Variants in LRP2BP observed in about 807,000 individuals in gnomAD.
LRP2BP encodes LRP2-binding protein.
In LRP2BP, 38 loss-of-function variants were observed where a neutral mutation model predicts 45.2. That is an observed-to-expected ratio of 0.84 (90% CI 0.65 to 1.10). The LOEUF is 1.10. Among genes scored for constraint, LRP2BP ranks in the 50% least tolerant of loss-of-function variants. LRP2BP has a pLI of 0.00. For synonymous variants in LRP2BP, 153 were observed against 153.9 expected (o/e 0.99, Z 0.04); for missense variants, 385 against 418.9 (o/e 0.92, Z 0.71).
rs1229047421 is a variant in LRP2BP, at chr4:185,364,661, C to T, written c.*2519G>A. 6.6e-6 allele frequency: 1 copy of T among 151,944 alleles called. No homozygotes were observed. The highest frequency in any genetic ancestry group is 1.5e-5 in the Non-Finnish European group (1 of 67,982). The allele number at this position is 151,944 out of a possible 1,614,324, so 9.4% of individuals were successfully genotyped here. A position where few individuals can be genotyped will look rare whatever the true frequency, so the allele number is the denominator to read the frequency against. ...ATCCTTAAGATTTTTTTAGTTATAG[C>T]TTTTTTATCCTTTTTTCAAACCATG... On this transcript the variant is annotated 3_prime_UTR_variant, in exon 9 of 9. Coordinates refer to ENST00000505916, the MANE Select transcript of LRP2BP (RefSeq NM_001377440.1).
At chr4:185,393,846 G>T (rs1008763649) in intron 1 of LRP2BP, among the ~76,000 whole-genome samples, 1 of 152,098 alleles carries the variant, frequency 6.6e-6, no homozygotes, top group Non-Finnish European at 1.5e-5. Context: ...GTAATTACTT[G>T]AATAAGAAGT....
Position 185,394,572 on chromosome 4 carries a change from T to C in LRP2BP, c.-22+207A>G, listed in dbSNP as rs1212515731. On this transcript the variant is annotated intron_variant, in intron 1 of 8. Coordinates refer to ENST00000505916, the MANE Select transcript of LRP2BP (RefSeq NM_001377440.1). Reference sequence around the variant, plus strand: ...AACTGGAATAGACGTTAGTGGTTAATACTTTCTCATTTGTCGGCCTTTCTC... The same window carrying C: ...AACTGGAATAGACGTTAGTGGTTAACACTTTCTCATTTGTCGGCCTTTCTC... 6.6e-5 allele frequency among the ~76,000 whole-genome samples: 10 copies of C among 152,368 alleles called. No homozygotes were observed. In the East Asian group the frequency reaches 1.7e-3, roughly 26 times the overall value.
intron 6 of LRP2BP, among the ~76,000 whole-genome samples, chr4:185,373,907 CTATAG>C (rs1186307777): frequency 6.6e-6 from 1 of 152,020 alleles, no homozygotes; most frequent in Non-Finnish European, 1.5e-5. Context: ...AGCTTTGATA[CTATAG>C]TATACAAAAT....
chr4:185,395,670 A>G lies in LRP2BP; in HGVS notation c.-913T>C, dbSNP rs139853810. On this transcript the variant is annotated 5_prime_UTR_variant, in exon 1 of 9. Coordinates refer to ENST00000505916, the MANE Select transcript of LRP2BP (RefSeq NM_001377440.1). The stretch of plus-strand genomic sequence containing the variant: ...AAAACTACCCCTTGGGTAACTAAGT[A>G]TAACAACATAAACTTGCGATTGCAA... 2.0e-6 allele frequency: 2 copies of G among 984,944 alleles called. No individual in the cohort carries two copies. Among genetic ancestry groups the G allele is most frequent in the Non-Finnish European group, 2.4e-6 (2 of 829,446 alleles). The allele number at this position is 984,944 out of a possible 1,614,324, so 61.0% of individuals were successfully genotyped here.
At chr4:185,377,212 T>C (rs2095441050) in intron 2 of LRP2BP, 194 bp from the exon 3 acceptor site, 1 of 555,922 alleles carries the variant, frequency 1.8e-6, no homozygotes. Context: ...CCTAACACTG[T>C]GCCTTGTGTA....
At position 185,392,655 on chromosome 4, in the gene LRP2BP, TTC is replaced by T. The variant is rs200282519; in HGVS notation, c.-22+2122_-22+2123del. 9.4e-3 allele frequency among the ~76,000 whole-genome samples: 1,424 copies of T among 152,256 alleles called. 20 individuals are homozygous for T. The highest frequency in any genetic ancestry group is 0.032 in the African/African-American group (1,330 of 41,552). ...GGAAATTCCAGATCTGGTTATAACCTTCTGTCTTTGAAAAGTTGTCATATTTG... is the reference window on the plus strand; with the variant it reads ...GGAAATTCCAGATCTGGTTATAACCTTGTCTTTGAAAAGTTGTCATATTTG... On this transcript the variant is annotated intron_variant, in intron 1 of 8. Coordinates refer to ENST00000505916, the MANE Select transcript of LRP2BP (RefSeq NM_001377440.1).
Position 185,376,972 on chromosome 4 carries a change from CT to C in LRP2BP, c.152del (p.Lys51ArgfsTer5), listed in dbSNP as rs778907244. On this transcript the variant is annotated frameshift_variant, in exon 3 of 9. Transcript: ENST00000505916. LOFTEE classifies it high-confidence loss of function. ...NLVDKALQLL[K>X]ERILKGDTLA... Reference sequence around the variant, plus strand: ...GAGTGTCTCCTTTCAGTATTCTTTCCTTCAAGAGCTGCAATGCCTTATCCAC... The same window carrying C: ...GAGTGTCTCCTTTCAGTATTCTTTCCTCAAGAGCTGCAATGCCTTATCCAC... The C allele has an allele frequency of 1.2e-6, 2 of 1,614,060 alleles. No homozygotes were observed. Among genetic ancestry groups the C allele is most frequent in the Non-Finnish European group, 1.7e-6 (2 of 1,179,934 alleles).
upstream of LRP2BP, chr4:185,396,722 C>T (rs959076996): frequency 2.2e-5 from 13 of 601,358 alleles, no homozygotes; most frequent in South Asian, 7.7e-5. Flanking sequence ...CGGGGCTGGA[C>T]AGGGTCCGGG....
chr4:185,374,017 A>G lies in LRP2BP; in HGVS notation c.579+118T>C, dbSNP rs1466453632. 7.4e-6 allele frequency: 6 copies of G among 814,232 alleles called. 1 individual carries two copies. The Middle Eastern group carries it at 8.0e-4, about 108-fold the overall frequency. 50.4% of individuals were successfully genotyped at this position (814,232 alleles called of 1,614,324 possible). A position where few individuals can be genotyped will look rare whatever the true frequency, so the allele number is the denominator to read the frequency against. On this transcript the variant is annotated intron_variant, in intron 6 of 8. Coordinates refer to ENST00000505916, the MANE Select transcript of LRP2BP (RefSeq NM_001377440.1). Reference sequence around the variant, plus strand: ...ATCCTAAAATGTATGCTTTCTTTACATTTAAAGGAACTATAAGAGATATTT... The same window carrying G: ...ATCCTAAAATGTATGCTTTCTTTACGTTTAAAGGAACTATAAGAGATATTT...
In LRP2BP at chr4:185,378,155, T is replaced by A; in HGVS notation, c.32A>T (p.Asn11Ile). 2 of 1,613,964 alleles carry A rather than the reference T, an allele frequency of 1.2e-6. No individual in the cohort carries two copies. The highest frequency in any genetic ancestry group is 2.2e-5 in the South Asian group (2 of 91,034). MKLTSEKLPK[N>I]PFYASVSQYA... is the part of the protein sequence containing the mutation. ...CTGAGATACAGAGGCATAAAAGGGG[T>A]TCTTGGGCAACTTTTCACTGGTCAA... Residue 11 changes from asparagine (N) to isoleucine (I), a missense_variant, in exon 2 of 9, where the codon AAC becomes ATC. Coordinates refer to ENST00000505916, the MANE Select transcript of LRP2BP (RefSeq NM_001377440.1).
intron 1 of LRP2BP, among the ~76,000 whole-genome samples, chr4:185,391,433 C>T (rs2095488117): frequency 6.6e-6 from 1 of 152,194 alleles, no homozygotes; most frequent in Non-Finnish European, 1.5e-5. Context: ...ATCGTCTTCA[C>T]CAGGGAATAT....
chr4:185,396,204 GAGT>G (rs977671463), upstream of LRP2BP: 2 of 152,264 alleles, frequency 1.3e-5, no homozygotes, highest in African/African-American at 4.8e-5. Flanking sequence ...CCATCCCCTC[GAGT>G]TCGCGCTCGC....
At chr4:185,393,741 G>C (rs962885339) in intron 1 of LRP2BP, among the ~76,000 whole-genome samples, 17 of 151,646 alleles carry the variant, frequency 1.1e-4, no homozygotes, top group African/African-American at 4.1e-4. Context: ...GGCCATTCTG[G>C]TCTCAAACTG....
chr4:185,396,734 CG>C, upstream of LRP2BP: 1 of 622,032 alleles, frequency 1.6e-6, no homozygotes. Context: ...GGGTCCGGGT[CG>C]TTGAGGATTA....
At chr4:185,396,961 G>A (rs2095505082), upstream of LRP2BP, 1 of 1,613,330 alleles carries the variant, frequency 6.2e-7, no homozygotes, top group African/African-American at 1.3e-5. Flanking sequence ...GTGAGATTCG[G>A]GCTCACAGAG....
At position 185,370,638 on chromosome 4, in the gene LRP2BP, A is replaced by T. The variant is rs762868946; in HGVS notation, c.978+2T>A. 1 of 1,612,932 alleles carries T rather than the reference A, an allele frequency of 6.2e-7. No homozygotes were observed. Among genetic ancestry groups the T allele is most frequent in the South Asian group, 1.1e-5 (1 of 91,036 alleles). On this transcript the variant is annotated splice_donor_variant, in intron 8 of 8. Coordinates refer to ENST00000505916, the MANE Select transcript of LRP2BP (RefSeq NM_001377440.1). LOFTEE classifies it high-confidence loss of function. Reference sequence around the variant, plus strand: ...GAATTTATATTTTGTTCTAAAGCTTACTTTAGAATAATAGTGTTTAGCGGT... The same window carrying T: ...GAATTTATATTTTGTTCTAAAGCTTTCTTTAGAATAATAGTGTTTAGCGGT...
intron 2 of LRP2BP, chr4:185,377,592 C>T (rs2095442483): frequency 6.1e-6 from 1 of 164,950 alleles, no homozygotes; most frequent in Admixed American, 5.8e-5. Context: ...CCAAGTAGAG[C>T]CCTAACAGTG....
At chr4:185,382,186 G>A (rs2095457716) in intron 1 of LRP2BP, among the ~76,000 whole-genome samples, 1 of 152,086 alleles carries the variant, frequency 6.6e-6, no homozygotes, top group Non-Finnish European at 1.5e-5. Flanking sequence ...CATGTACTTT[G>A]TTGCATGTAT....
At position 185,370,644 on chromosome 4, in the gene LRP2BP, G is replaced by A. The variant is rs2095411602; in HGVS notation, c.974C>T (p.Ser325Phe). 6.2e-7 allele frequency: 1 copy of A among 1,613,748 alleles called. No individual in the cohort carries two copies. Among genetic ancestry groups the A allele is most frequent in the Non-Finnish European group, 8.5e-7 (1 of 1,179,818 alleles). Residue 325 changes from serine (S) to phenylalanine (F), a missense_variant, in exon 8 of 9, where the codon TCT (serine) becomes TTT (phenylalanine). By Grantham distance (155) the Ser-to-Phe change is radical. Coordinates refer to ENST00000505916, the MANE Select transcript of LRP2BP (RefSeq NM_001377440.1). ...RDETTAKHYY[S>F]KACRLNPALA... Reference sequence around the variant, plus strand: ...ATATTTTGTTCTAAAGCTTACTTTAGAATAATAGTGTTTAGCGGTTGTTTC... The same window carrying A: ...ATATTTTGTTCTAAAGCTTACTTTAAAATAATAGTGTTTAGCGGTTGTTTC...
Sources: allele counts gnomAD v4.1 joint callset (sites outside exome capture counted in the v4.1 genomes callset), GRCh38; gene constraint gnomAD v4.1.1; transcripts MANE v1.5; gene names NCBI Gene and HGNC (gene_info 2026-07-23, HGNC 2026-07-21).